TMEM207: variants seen among roughly 807,000 people sequenced by gnomAD.
TMEM207 encodes the protein SRSR846.
A neutral mutation model predicts 17.4 loss-of-function variants in TMEM207; 15 were observed. That is an observed-to-expected ratio of 0.86 (90% CI 0.58 to 1.33). TMEM207 has a LOEUF of 1.33. Ranked by LOEUF, TMEM207 falls within the 40% of genes most tolerant of loss-of-function variation. The pLI is 0.00. For synonymous variants in TMEM207, 70 were observed against 65.6 expected (o/e 1.07, Z -0.33); for missense variants, 205 against 173.8 (o/e 1.18, Z -1.01).
At chr3:190,440,220 TC>T in intron 4 of TMEM207, 23 bp downstream of exon 4, 1 of 1,604,110 alleles carries the variant, frequency 6.2e-7, no homozygotes, top group Non-Finnish European at 8.5e-7. Context: ...CAAAAAAGAG[TC>T]CAGAAGCGTG....
At chr3:190,440,466 G>C in intron 3 of TMEM207, 77 bp from the exon 4 acceptor site, 1 of 1,391,222 alleles carries the variant, frequency 7.2e-7, no homozygotes. Context: ...CTACCTAGAA[G>C]TGGGGTGAAG....
chr3:190,442,527 A>C (rs1719957348), intron 2 of TMEM207, among the ~76,000 whole-genome samples: 1 of 152,244 alleles, frequency 6.6e-6, no homozygotes, highest in African/African-American at 2.4e-5. Flanking sequence ...CAAACATTTA[A>C]GACAAAAACC....
chr3:190,447,886 A>G (rs548320748), intron 1 of TMEM207, 59 bp from the exon 2 acceptor site: 14 of 1,513,666 alleles, frequency 9.2e-6, no homozygotes, highest in Non-Finnish European at 1.2e-5. Flanking sequence ...ATCCTTTAAT[A>G]CAAGCAGCGC....
rs535055343 is a variant in TMEM207, at chr3:190,440,310, G to T, written c.238C>A (p.Pro80Thr). ...VLCLQCWLRRPRIDSHRRTMA... is the reference protein window; with the variant it reads ...VLCLQCWLRRTRIDSHRRTMA... ...GTGCGCCTGTGAGAATCAATTCGGGGTCTCCTCAGCCAGCACTGGAGGCAG... is the reference window on the plus strand; with the variant it reads ...GTGCGCCTGTGAGAATCAATTCGGGTTCTCCTCAGCCAGCACTGGAGGCAG... The change falls in exon 4 of 5, where the codon CCC becomes ACC. Residue 80 changes from proline (P) to threonine (T), a missense_variant. Pro to Thr is a conservative substitution (Grantham distance 38). Coordinates refer to ENST00000354905, the MANE Select transcript of TMEM207 (RefSeq NM_207316.3). The T allele has an allele frequency of 4.3e-6, 7 of 1,613,970 alleles. No homozygotes were observed. The highest frequency in any genetic ancestry group is 1.1e-5 in the South Asian group (1 of 91,064).
chr3:190,430,939 A>T (rs1301784778), intron 4 of TMEM207, among the ~76,000 whole-genome samples: 2 of 152,202 alleles, frequency 1.3e-5, no homozygotes, highest in African/African-American at 4.8e-5. Flanking sequence ...CTAGTTGCAT[A>T]TTAGGCATTA....
chr3:190,430,771 G>A (rs1436574611), intron 4 of TMEM207, among the ~76,000 whole-genome samples: 6 of 152,052 alleles, frequency 3.9e-5, no homozygotes, highest in African/African-American at 1.2e-4. Flanking sequence ...TGGCAGAGGT[G>A]AGTAGTCCCC....
intron 4 of TMEM207, 131 bp from the exon 5 acceptor site, chr3:190,429,862 A>T (rs1719653015): frequency 1.7e-6 from 2 of 1,175,232 alleles, no homozygotes; most frequent in Admixed American, 5.9e-5. Flanking sequence ...CTATGAGAAA[A>T]AAATTACAAC....
intron 4 of TMEM207, among the ~76,000 whole-genome samples, chr3:190,436,781 C>A (rs908359960): frequency 2.0e-5 from 3 of 152,098 alleles, no homozygotes; most frequent in Admixed American, 6.5e-5. Flanking sequence ...CCAGAAGTTA[C>A]TAGGTAAGAA....
At chr3:190,443,604 G>C (rs1438553379) in intron 2 of TMEM207, among the ~76,000 whole-genome samples, 2 of 151,966 alleles carry the variant, frequency 1.3e-5, no homozygotes, top group African/African-American at 4.8e-5. Context: ...AATTCACTAC[G>C]TAGTCAGAGA....
At chr3:190,440,446 G>GCTT in intron 3 of TMEM207, 57 bp from the exon 4 acceptor site, 1 of 1,500,586 alleles carries the variant, frequency 6.7e-7, no homozygotes, top group South Asian at 1.3e-5. Flanking sequence ...GAAGTTAAGA[G>GCTT]CTTCCATCAC....
chr3:190,435,476 A>G (rs1324981624), intron 4 of TMEM207, among the ~76,000 whole-genome samples: 1 of 152,184 alleles, frequency 6.6e-6, no homozygotes. Flanking sequence ...TAGAATTTGA[A>G]CACATGAAAT....
chr3:190,429,253 A>T lies in TMEM207; in HGVS notation c.*342T>A, dbSNP rs1158015436. Reference sequence around the variant, plus strand: ...ATGCTAGGAAAGAGTTTAAAGCAGAAAATGGTGTGCTGTATACTGCAGTGG... The same window carrying T: ...ATGCTAGGAAAGAGTTTAAAGCAGATAATGGTGTGCTGTATACTGCAGTGG... On this transcript the variant is annotated 3_prime_UTR_variant, in exon 5 of 5. Coordinates refer to ENST00000354905, the MANE Select transcript of TMEM207 (RefSeq NM_207316.3). The T allele has an allele frequency of 5.9e-6, 1 of 169,908 alleles. No individual in the cohort carries two copies. Among genetic ancestry groups the T allele is most frequent in the Non-Finnish European group, 1.3e-5 (1 of 79,708 alleles). 10.5% of individuals were successfully genotyped at this position (169,908 alleles called of 1,614,324 possible). A position where few individuals can be genotyped will look rare whatever the true frequency, so the allele number is the denominator to read the frequency against.
Position 190,429,479 on chromosome 3 carries a change from A to G in TMEM207, c.*116T>C. On this transcript the variant is annotated 3_prime_UTR_variant, in exon 5 of 5. Transcript: ENST00000354905. Reference sequence around the variant, plus strand: ...TTCTTTTGTCGAATTGTCCTTCCTCAGACTATATGAATAGATCTCTGGACA... The same window carrying G: ...TTCTTTTGTCGAATTGTCCTTCCTCGGACTATATGAATAGATCTCTGGACA... 2.1e-6 allele frequency: 3 copies of G among 1,412,006 alleles called. No homozygotes were observed. The highest frequency in any genetic ancestry group is 1.4e-5 in the African/African-American group (1 of 68,990). The allele number at this position is 1,412,006 out of a possible 1,614,324, so 87.5% of individuals were successfully genotyped here.
intron 4 of TMEM207, among the ~76,000 whole-genome samples, chr3:190,432,688 A>G (rs1719716974): frequency 6.6e-6 from 1 of 152,102 alleles, no homozygotes; most frequent in Non-Finnish European, 1.5e-5. Context: ...AGCCTGTAAG[A>G]CCCTGCTTCT....
intron 2 of TMEM207, among the ~76,000 whole-genome samples, chr3:190,444,974 T>C (rs2108538730): frequency 6.6e-6 from 1 of 152,334 alleles, no homozygotes; most frequent in South Asian, 2.1e-4. Context: ...TAGTAAATTG[T>C]ATAGTATCTC....
chr3:190,434,592 C>T (rs1183410132), intron 4 of TMEM207, among the ~76,000 whole-genome samples: 2 of 152,072 alleles, frequency 1.3e-5, no homozygotes, highest in Non-Finnish European at 2.9e-5. Flanking sequence ...TGGACTAATA[C>T]ACTAAGAAAA....
chr3:190,439,139 G>C (rs1205420779), intron 4 of TMEM207, among the ~76,000 whole-genome samples: 52 of 137,186 alleles, frequency 3.8e-4, no homozygotes, highest in African/African-American at 1.1e-3. Flanking sequence ...ATCGCGCCAC[G>C]GCACTCCCGC....
intron 4 of TMEM207, among the ~76,000 whole-genome samples, chr3:190,435,600 G>A (rs568579804): frequency 5.5e-4 from 84 of 152,244 alleles, no homozygotes; most frequent in African/African-American, 1.8e-3. Flanking sequence ...ATCTTTGAGC[G>A]CACAGTAAGT....
intron 4 of TMEM207, among the ~76,000 whole-genome samples, chr3:190,430,010 T>C (rs1425093): frequency 0.7 from 106,075 of 151,990 alleles, 37,692 homozygotes; most frequent in African/African-American, 0.83. Flanking sequence ...AAGGAATATC[T>C]TCTTTTGTAG....
Sources: allele counts gnomAD v4.1 joint callset (sites outside exome capture counted in the v4.1 genomes callset), GRCh38; gene constraint gnomAD v4.1.1; transcripts MANE v1.5; gene names NCBI Gene and HGNC (gene_info 2026-07-23, HGNC 2026-07-21).